IGF1R: variants seen among roughly 807,000 people sequenced by gnomAD.
IGF1R encodes insulin-like growth factor 1 receptor.
A neutral mutation model predicts 144.6 loss-of-function variants in IGF1R; 44 were observed. The ratio of observed to expected loss-of-function variants is 0.30; its 90% CI spans 0.24 to 0.39. The LOEUF is 0.39. IGF1R is among the 10% of genes least tolerant of loss of function. The pLI, the probability that IGF1R is intolerant of heterozygous loss-of-function variation, is 1.00. For synonymous variants in IGF1R, 795 were observed against 722.8 expected (o/e 1.10, Z -1.60); for missense variants, 1,355 against 1,833.7 (o/e 0.74, Z 4.77).
At chr15:98,701,629 G>C (rs574648862) in intron 1 of IGF1R, among the ~76,000 whole-genome samples, 1 of 152,064 alleles carries the variant, frequency 6.6e-6, no homozygotes, top group African/African-American at 2.4e-5. Context: ...ATGAGCCGCC[G>C]CACCCGGCCA....
At chr15:98,910,844 A>G (rs2014979102) in intron 6 of IGF1R, among the ~76,000 whole-genome samples, 1 of 152,216 alleles carries the variant, frequency 6.6e-6, no homozygotes, top group African/African-American at 2.4e-5. Context: ...GCACACCTGT[A>G]GTCTCTTACC....
chr15:98,901,483 T>C (rs1490429037), intron 5 of IGF1R, among the ~76,000 whole-genome samples: 1 of 152,236 alleles, frequency 6.6e-6, no homozygotes, highest in African/African-American at 2.4e-5. Flanking sequence ...GAGCTCTGTT[T>C]GCTTCAGGTG....
chr15:98,925,993 T>C (rs929139426), intron 13 of IGF1R, among the ~76,000 whole-genome samples: 1 of 151,668 alleles, frequency 6.6e-6, no homozygotes, highest in African/African-American at 2.4e-5. Flanking sequence ...GAAATAGGTA[T>C]GTCAAACAGC....
At chr15:98,723,108 G>A (rs1229758835) in intron 2 of IGF1R, among the ~76,000 whole-genome samples, 1 of 151,932 alleles carries the variant, frequency 6.6e-6, no homozygotes, top group Non-Finnish European at 1.5e-5. Flanking sequence ...TGTCAGCAAA[G>A]TACCTGACAA....
intron 17 of IGF1R, among the ~76,000 whole-genome samples, chr15:98,936,162 C>T (rs540267538): frequency 2.0e-5 from 3 of 152,308 alleles, no homozygotes; most frequent in African/African-American, 2.4e-5. Flanking sequence ...TCTACGTCCA[C>T]GTTTCAGGAT....
intron 1 of IGF1R, among the ~76,000 whole-genome samples, chr15:98,705,542 G>T (rs924394185): frequency 6.6e-6 from 1 of 152,158 alleles, no homozygotes; most frequent in Non-Finnish European, 1.5e-5. Context: ...TGTCTTAGGG[G>T]TGTCATTTTC....
chr15:98,882,068 G>C (rs1469742093), intron 2 of IGF1R, among the ~76,000 whole-genome samples: 2 of 152,222 alleles, frequency 1.3e-5, no homozygotes, highest in Non-Finnish European at 2.9e-5. Context: ...AGATCACACA[G>C]AGAAACGGCA....
At chr15:98,874,043 G>A (rs1194261411) in intron 2 of IGF1R, among the ~76,000 whole-genome samples, 1 of 152,150 alleles carries the variant, frequency 6.6e-6, no homozygotes, top group Admixed American at 6.5e-5. Context: ...TCTGCCGGGG[G>A]TTTAGAAATT....
chr15:98,722,569 C>T (rs1296823694), intron 2 of IGF1R, among the ~76,000 whole-genome samples: 1 of 152,144 alleles, frequency 6.6e-6, no homozygotes, highest in Non-Finnish European at 1.5e-5. Flanking sequence ...GCCGGTTTGG[C>T]TTAGACATTA....
intron 2 of IGF1R, among the ~76,000 whole-genome samples, chr15:98,841,796 G>A (rs962618183): frequency 6.6e-6 from 1 of 152,204 alleles, no homozygotes; most frequent in Non-Finnish European, 1.5e-5. Flanking sequence ...AGGAGGAGCT[G>A]TGGGTTGCTT....
intron 15 of IGF1R, 151 bp downstream of exon 15, chr15:98,930,456 C>T (rs2015896133): frequency 4.2e-6 from 2 of 477,890 alleles, no homozygotes; most frequent in Non-Finnish European, 3.7e-6. Flanking sequence ...TTCTTTCTTT[C>T]TTTTTTTTTT....
At position 98,957,543 on chromosome 15, in the gene IGF1R, C is replaced by T; in HGVS notation, c.*101C>T. On this transcript the variant is annotated 3_prime_UTR_variant, in exon 21 of 21. Coordinates refer to ENST00000650285, the MANE Select transcript of IGF1R (RefSeq NM_000875.5). ...ACAATCCATTCACAAGCCTCCTGTA[C>T]CTCAGTGGATCTTCAGAACTGCCCT... The T allele has an allele frequency of 6.8e-7, 1 of 1,472,590 alleles. No homozygotes were observed. The highest frequency in any genetic ancestry group is 9.4e-7 in the Non-Finnish European group (1 of 1,063,428). 91.2% of individuals were successfully genotyped at this position (1,472,590 alleles called of 1,614,324 possible).
At position 98,649,302 on chromosome 15, in the gene IGF1R, A is replaced by C. The variant is rs1432602724; in HGVS notation, c.-280A>C. On this transcript the variant is annotated 5_prime_UTR_variant, in exon 1 of 21. Transcript: ENST00000650285. ...TTGAAAATGGAGGCCGACGACGCCG[A>C]CAGCCCGCCCCGGCGCGCCTCGGGT... 4.8e-6 allele frequency: 1 copy of C among 207,642 alleles called. No homozygotes were observed. The highest frequency in any genetic ancestry group is 9.7e-6 in the Non-Finnish European group (1 of 102,598). 12.9% of individuals were successfully genotyped at this position (207,642 alleles called of 1,614,324 possible). A position where few individuals can be genotyped will look rare whatever the true frequency, so the allele number is the denominator to read the frequency against.
intron 2 of IGF1R, among the ~76,000 whole-genome samples, chr15:98,865,004 A>G (rs1008863103): frequency 7.9e-5 from 12 of 152,154 alleles, no homozygotes; most frequent in African/African-American, 2.4e-4. Context: ...TAGGAGTCTG[A>G]AATGTAGCTG....
chr15:98,700,293 G>T (rs189547447), intron 1 of IGF1R, among the ~76,000 whole-genome samples: 202 of 152,156 alleles, frequency 1.3e-3, no homozygotes, highest in Non-Finnish European at 2.2e-3. Context: ...GCTTTGTTTC[G>T]TAGTTTCTTC....
intron 2 of IGF1R, among the ~76,000 whole-genome samples, chr15:98,808,998 T>C (rs1352380494): frequency 3.9e-5 from 6 of 152,216 alleles, no homozygotes; most frequent in Non-Finnish European, 7.3e-5. Flanking sequence ...AAAAGATTCT[T>C]ATCAACAGTT....
intron 2 of IGF1R, among the ~76,000 whole-genome samples, chr15:98,842,136 C>G (rs1389250573): frequency 5.9e-5 from 9 of 152,240 alleles, no homozygotes; most frequent in African/African-American, 2.2e-4. Flanking sequence ...GACCCCTTCA[C>G]CTCTGTCCCC....
At chr15:98,650,195 G>T (rs1420757235) in intron 1 of IGF1R, among the ~76,000 whole-genome samples, 1 of 152,068 alleles carries the variant, frequency 6.6e-6, no homozygotes, top group Non-Finnish European at 1.5e-5. Flanking sequence ...TTGCCCTCGA[G>T]GGGGGAGGTG....
chr15:98,757,405 C>A (rs897262875), intron 2 of IGF1R, among the ~76,000 whole-genome samples: 1 of 152,176 alleles, frequency 6.6e-6, no homozygotes, highest in Non-Finnish European at 1.5e-5. Flanking sequence ...CTCAAATGAT[C>A]TGCCTGCCTT....
Sources: allele counts gnomAD v4.1 joint callset (sites outside exome capture counted in the v4.1 genomes callset), GRCh38; gene constraint gnomAD v4.1.1; transcripts MANE v1.5; gene names NCBI Gene and HGNC (gene_info 2026-07-23, HGNC 2026-07-21).